Variants in MAGI2 observed in about 807,000 individuals in gnomAD.
MAGI2 encodes the protein membrane-associated guanylate kinase, WW and PDZ domain-containing protein 2.
MAGI2 carries 35 observed loss-of-function variants against 133.3 expected under a neutral mutation model. The observed-to-expected ratio is 0.26, with a 90% CI of 0.20 to 0.35. MAGI2 has a LOEUF of 0.35. Ranked by LOEUF, MAGI2 falls within the 10% of genes least tolerant of loss-of-function variation. MAGI2 has a pLI of 1.00. For missense variants in MAGI2, 1,636 were observed against 1,863.4 expected, an observed-to-expected ratio of 0.88 and a Z score of 2.25; for synonymous variants, 729 against 710.6, an observed-to-expected ratio of 1.03 and a Z score of -0.41.
In MAGI2 at chr7:79,264,346, C is replaced by G. The variant is rs78133443; in HGVS notation, c.301+188674G>C. On this transcript the variant is annotated intron_variant, in intron 1 of 21. Coordinates refer to ENST00000354212, the MANE Select transcript of MAGI2 (RefSeq NM_012301.4). ...AGTTTAATTCAGTCAACAATTAACTCAAAATGTAGGGGTTTTTTGGTAGGA... is the reference window on the plus strand; with the variant it reads ...AGTTTAATTCAGTCAACAATTAACTGAAAATGTAGGGGTTTTTTGGTAGGA... 8.6e-4 allele frequency among the ~76,000 whole-genome samples: 131 copies of G among 152,224 alleles called. 4 individuals carry two copies. The East Asian group carries it at 0.024, about 28-fold the overall frequency.
intron 1 of MAGI2, among the ~76,000 whole-genome samples, chr7:79,425,534 T>C (rs1243371908): frequency 6.6e-6 from 1 of 150,622 alleles, no homozygotes; most frequent in African/African-American, 2.4e-5. Flanking sequence ...GCTAACAAAT[T>C]ATATATTAGT....
intron 20 of MAGI2, among the ~76,000 whole-genome samples, chr7:78,120,513 GAA>G (rs1820329621): frequency 6.6e-6 from 1 of 152,188 alleles, no homozygotes; most frequent in Non-Finnish European, 1.5e-5. Context: ...CTGGGGGAGA[GAA>G]AGTTTCCCCA....
chr7:78,234,044 C>T (rs1035725451), intron 10 of MAGI2, among the ~76,000 whole-genome samples: 10 of 152,090 alleles, frequency 6.6e-5, no homozygotes, highest in Non-Finnish European at 1.3e-4. Flanking sequence ...GATTTACATG[C>T]CAAGTGGCAA....
At chr7:78,499,488 C>A (rs1298295245) in intron 5 of MAGI2, among the ~76,000 whole-genome samples, 1 of 152,188 alleles carries the variant, frequency 6.6e-6, no homozygotes, top group Admixed American at 6.6e-5. Context: ...GGCTGACTGA[C>A]GAGTCATAGA....
chr7:78,856,793 T>A (rs1210529021), intron 2 of MAGI2, among the ~76,000 whole-genome samples: 2 of 152,206 alleles, frequency 1.3e-5, no homozygotes, highest in Admixed American at 6.5e-5. Context: ...GTGAAGAAAG[T>A]CATTGGTAGC....
At chr7:79,354,701 C>T (rs1435114013) in intron 1 of MAGI2, among the ~76,000 whole-genome samples, 1 of 152,176 alleles carries the variant, frequency 6.6e-6, no homozygotes, top group Non-Finnish European at 1.5e-5. Context: ...TCAAGTAGGG[C>T]ATTTACCCAA....
chr7:78,620,954 T>C (rs530694007), intron 3 of MAGI2, among the ~76,000 whole-genome samples: 1 of 151,648 alleles, frequency 6.6e-6, no homozygotes, highest in South Asian at 2.1e-4. Context: ...TCAGGGGAGG[T>C]AGGTTTAGTT....
At position 79,186,707 on chromosome 7, in the gene MAGI2, A is replaced by ATATATATTTATACAAAAG. The variant is rs1562973859; in HGVS notation, c.302-179502_302-179501insCTTTTGTATAAATATATA. ...CGAGTATATATATTTATACAAAAGTATATATATATATTTATACAAAAGTAT... is the reference window on the plus strand; with the variant it reads ...CGAGTATATATATTTATACAAAAGTATATATATTTATACAAAAGTATATATATATTTATACAAAAGTAT... On this transcript the variant is annotated intron_variant, in intron 1 of 21. Transcript: ENST00000354212. Among the ~76,000 whole-genome samples, 996 of 131,754 alleles carry ATATATATTTATACAAAAG rather than the reference A, an allele frequency of 7.6e-3. 21 individuals are homozygous for ATATATATTTATACAAAAG. Among genetic ancestry groups the ATATATATTTATACAAAAG allele is most frequent in the African/African-American group, 0.03 (939 of 31,264 alleles). The allele number at this position is 131,754 out of a possible 152,430, so 86.4% of individuals were successfully genotyped here. A position where few individuals can be genotyped will look rare whatever the true frequency, so the allele number is the denominator to read the frequency against.
chr7:79,448,952 A>T (rs1271731924), intron 1 of MAGI2, among the ~76,000 whole-genome samples: 1 of 152,156 alleles, frequency 6.6e-6, no homozygotes, highest in Non-Finnish European at 1.5e-5. Context: ...CTTATAAATT[A>T]TGCCCCAAGA....
At chr7:79,268,995 C>A (rs1177037997) in intron 1 of MAGI2, among the ~76,000 whole-genome samples, 2 of 152,160 alleles carry the variant, frequency 1.3e-5, no homozygotes, top group Non-Finnish European at 2.9e-5. Flanking sequence ...ATGCTCTTCC[C>A]CACGTCATTC....
At chr7:78,238,826 G>T (rs779944017) in intron 10 of MAGI2, among the ~76,000 whole-genome samples, 1 of 152,066 alleles carries the variant, frequency 6.6e-6, no homozygotes, top group South Asian at 2.1e-4. Context: ...TCAGAAACTC[G>T]TTTCATTCAA....
At chr7:78,094,676 C>A (rs542906305) in intron 20 of MAGI2, among the ~76,000 whole-genome samples, 13 of 152,312 alleles carry the variant, frequency 8.5e-5, no homozygotes, top group Admixed American at 6.5e-4. Context: ...TTTGATTGAA[C>A]TGTCTGTAGT....
chr7:79,025,581 G>A (rs1004335557), intron 1 of MAGI2, among the ~76,000 whole-genome samples: 1 of 152,132 alleles, frequency 6.6e-6, no homozygotes, highest in Admixed American at 6.5e-5. Flanking sequence ...AGCAGCTGGG[G>A]ATGCACAATA....
At chr7:78,211,908 A>C (rs1787800510) in intron 10 of MAGI2, among the ~76,000 whole-genome samples, 1 of 152,120 alleles carries the variant, frequency 6.6e-6, no homozygotes, top group Non-Finnish European at 1.5e-5. Flanking sequence ...TTTTCATCCC[A>C]TTGGAGTTTT....
At chr7:78,313,587 TA>T (rs1471489539) in intron 9 of MAGI2, among the ~76,000 whole-genome samples, 5 of 151,600 alleles carry the variant, frequency 3.3e-5, no homozygotes, top group Non-Finnish European at 7.4e-5. Flanking sequence ...AAGAGAAAAA[TA>T]TTTTTTTTGA....
chr7:78,595,837 C>A (rs927348059), intron 3 of MAGI2, among the ~76,000 whole-genome samples: 1 of 152,064 alleles, frequency 6.6e-6, no homozygotes, highest in African/African-American at 2.4e-5. Context: ...GTGAGAGACA[C>A]TAAGATATTC....
chr7:79,381,134 C>G (rs954121024), intron 1 of MAGI2, among the ~76,000 whole-genome samples: 2 of 116,058 alleles, frequency 1.7e-5, no homozygotes, highest in Non-Finnish European at 3.4e-5. Flanking sequence ...CATATCGGTG[C>G]TGCTCAGCTC....
At chr7:79,167,073 T>A (rs977319242) in intron 1 of MAGI2, among the ~76,000 whole-genome samples, 1 of 152,144 alleles carries the variant, frequency 6.6e-6, no homozygotes. Flanking sequence ...CTTTATTTTA[T>A]ATGTTCAAGA....
intron 14 of MAGI2, chr7:78,170,566 C>T (rs1422952278): frequency 6.6e-6 from 1 of 152,036 alleles, no homozygotes; most frequent in Non-Finnish European, 1.5e-5. Context: ...TTCTAGTGGT[C>T]AGACAATCAT....
Sources: allele counts gnomAD v4.1 joint callset (sites outside exome capture counted in the v4.1 genomes callset), GRCh38; gene constraint gnomAD v4.1.1; transcripts MANE v1.5; gene names NCBI Gene and HGNC (gene_info 2026-07-23, HGNC 2026-07-21).